KCNH5: variants seen among roughly 807,000 people sequenced by gnomAD.
KCNH5 encodes potassium voltage-gated channel subfamily H member 5, also known as voltage-gated delayed rectifier potassium channel KCNH5.
A neutral mutation model predicts 96.1 loss-of-function variants in KCNH5; 46 were observed. That is an observed-to-expected ratio of 0.48 (90% CI 0.38 to 0.61). The LOEUF (loss-of-function observed/expected upper bound fraction) is 0.61, where lower values mean the gene tolerates loss of function less well. Ranked by LOEUF, KCNH5 falls within the 20% of genes least tolerant of loss-of-function variation. KCNH5 has a pLI of 0.00. For synonymous variants in KCNH5, 439 were observed against 449.8 expected (o/e 0.98, Z 0.30); for missense variants, 907 against 1,225.8 (o/e 0.74, Z 3.88).
intron 10 of KCNH5, among the ~76,000 whole-genome samples, chr14:62,716,094 A>T (rs17100280): frequency 0.017 from 2,574 of 152,350 alleles, 52 homozygotes; most frequent in East Asian, 0.089. Flanking sequence ...TGAACAAAAC[A>T]TTGTAAACTT....
At chr14:62,871,783 T>C (rs1224912968) in intron 7 of KCNH5, among the ~76,000 whole-genome samples, 2 of 152,172 alleles carry the variant, frequency 1.3e-5, no homozygotes, top group Non-Finnish European at 2.9e-5. Flanking sequence ...AGAGATGGGC[T>C]GTACAAGCAG....
At chr14:62,944,708 T>G (rs1368844401) in intron 7 of KCNH5, among the ~76,000 whole-genome samples, 3 of 152,174 alleles carry the variant, frequency 2.0e-5, no homozygotes, top group African/African-American at 7.2e-5. Flanking sequence ...ACTATAACAC[T>G]TCATGAATCT....
At chr14:62,793,929 G>T (rs1228040917) in intron 9 of KCNH5, among the ~76,000 whole-genome samples, 2 of 151,918 alleles carry the variant, frequency 1.3e-5, no homozygotes, top group East Asian at 3.9e-4. Context: ...CACAAAGAAA[G>T]AAAGCTTCAT....
intron 8 of KCNH5, among the ~76,000 whole-genome samples, chr14:62,844,789 G>C (rs919218110): frequency 1.8e-4 from 28 of 152,156 alleles, no homozygotes; most frequent in Admixed American, 1.8e-3. Flanking sequence ...TTATATTAGA[G>C]AAAGCATTAT....
At chr14:62,794,059 T>C (rs1164284286) in intron 9 of KCNH5, among the ~76,000 whole-genome samples, 1 of 151,910 alleles carries the variant, frequency 6.6e-6, no homozygotes, top group Non-Finnish European at 1.5e-5. Flanking sequence ...ATTCACACTC[T>C]GGGCTCAGTT....
At chr14:62,949,124 A>G (rs967872003) in intron 7 of KCNH5, among the ~76,000 whole-genome samples, 6 of 152,016 alleles carry the variant, frequency 3.9e-5, no homozygotes, top group South Asian at 2.1e-4. Context: ...CTCTCTCACC[A>G]CTCCTATTCA....
intron 10 of KCNH5, among the ~76,000 whole-genome samples, chr14:62,740,829 C>G (rs889367911): frequency 1.3e-5 from 2 of 152,106 alleles, no homozygotes; most frequent in Non-Finnish European, 2.9e-5. Flanking sequence ...AGTCTTCTCC[C>G]TGTCTCTTTA....
chr14:62,961,106 A>C (rs1485027443), intron 6 of KCNH5, among the ~76,000 whole-genome samples: 1 of 152,086 alleles, frequency 6.6e-6, no homozygotes, highest in Non-Finnish European at 1.5e-5. Context: ...ATTTTTTTCC[A>C]AACATTATGA....
At chr14:62,787,605 G>T (rs1203363741) in intron 9 of KCNH5, among the ~76,000 whole-genome samples, 8 of 143,758 alleles carry the variant, frequency 5.6e-5, no homozygotes, top group African/African-American at 2.4e-4. Context: ...GACTTTCATA[G>T]ATAGAGAGAA....
At chr14:62,787,127 T>C (rs1886336019) in intron 9 of KCNH5, among the ~76,000 whole-genome samples, 1 of 152,206 alleles carries the variant, frequency 6.6e-6, no homozygotes, top group Non-Finnish European at 1.5e-5. Flanking sequence ...GCTAGGCCTC[T>C]TGCACCAAAC....
At chr14:62,769,211 C>T (rs1885933312) in intron 10 of KCNH5, among the ~76,000 whole-genome samples, 1 of 152,242 alleles carries the variant, frequency 6.6e-6, no homozygotes, top group Admixed American at 6.5e-5. Context: ...CGCCATCACG[C>T]CTGTGGCGTG....
intron 5 of KCNH5, among the ~76,000 whole-genome samples, chr14:62,982,939 T>C (rs930147066): frequency 6.6e-5 from 10 of 152,126 alleles, no homozygotes; most frequent in Admixed American, 1.3e-4. Flanking sequence ...CATGTTGGGG[T>C]GAAGTATTAT....
intron 10 of KCNH5, among the ~76,000 whole-genome samples, chr14:62,742,839 G>T (rs570664935): frequency 1.3e-5 from 2 of 152,302 alleles, no homozygotes; most frequent in South Asian, 2.1e-4. Context: ...CCCTTGGAAA[G>T]CTTATTCAAG....
chr14:62,758,116 G>T (rs1175285915), intron 10 of KCNH5, among the ~76,000 whole-genome samples: 3 of 148,530 alleles, frequency 2.0e-5, no homozygotes, highest in Non-Finnish European at 4.4e-5. Flanking sequence ...CTGCACTCCA[G>T]CTTGGTGACA....
chr14:62,942,773 G>A (rs771144745), intron 7 of KCNH5, among the ~76,000 whole-genome samples: 4 of 152,150 alleles, frequency 2.6e-5, no homozygotes, highest in Non-Finnish European at 5.9e-5. Flanking sequence ...TTGCAGATTA[G>A]CATCATTATG....
chr14:62,784,187 G>A lies in KCNH5; in HGVS notation c.1823-4263C>T, dbSNP rs577242990. 1.1e-4 allele frequency among the ~76,000 whole-genome samples: 16 copies of A among 152,268 alleles called. No individual in the cohort carries two copies. The South Asian group carries it at 2.9e-3, about 28-fold the overall frequency. On this transcript the variant is annotated intron_variant, in intron 9 of 10. Coordinates refer to ENST00000322893, the MANE Select transcript of KCNH5 (RefSeq NM_139318.5). ...GTCTTACACGGTGGCAGGCAAGAGC[G>A]CTTGTACAGGGGAACTCCCATTTAT...
chr14:62,920,297 C>A (rs1033107781), intron 7 of KCNH5, among the ~76,000 whole-genome samples: 2 of 151,920 alleles, frequency 1.3e-5, no homozygotes, highest in African/African-American at 4.8e-5. Flanking sequence ...TTAGCAGCCC[C>A]CAGAGAAGAG....
chr14:62,820,979 T>C (rs1305066907), intron 8 of KCNH5, among the ~76,000 whole-genome samples: 1 of 152,092 alleles, frequency 6.6e-6, no homozygotes, highest in Non-Finnish European at 1.5e-5. Context: ...TCCATGATGG[T>C]TGAACTAATT....
chr14:62,910,287 T>C (rs1243626205), intron 7 of KCNH5, among the ~76,000 whole-genome samples: 1 of 152,096 alleles, frequency 6.6e-6, no homozygotes, highest in African/African-American at 2.4e-5. Flanking sequence ...TATTATGAAA[T>C]TGGAAGCATT....
Sources: gnomAD v4.1 joint callset for allele counts (sites outside exome capture counted in the v4.1 genomes callset) on GRCh38, gnomAD v4.1.1 for gene constraint, MANE v1.5 for transcripts, NCBI Gene and HGNC (gene_info 2026-07-23, HGNC 2026-07-21) for gene names.